Variants in ENSA observed in about 807,000 individuals in gnomAD.
ENSA encodes the protein endosulfine alpha.
ENSA carries 7 observed loss-of-function variants against 16.8 expected under a neutral mutation model. The observed-to-expected ratio is 0.42, with a 90% CI of 0.24 to 0.78. The LOEUF (loss-of-function observed/expected upper bound fraction) is 0.78, where lower values mean the gene tolerates loss of function less well. Ranked by LOEUF, ENSA falls within the 30% of genes least tolerant of loss-of-function variation. The pLI is 0.29. For missense variants in ENSA, 87 were observed against 142.3 expected (o/e 0.61, Z 1.98); for synonymous variants, 58 against 53.4 (o/e 1.09, Z -0.37).
intron 2 of ENSA, 119 bp downstream of exon 2, chr1:150,627,348 C>T (rs948431706): frequency 6.2e-7 from 1 of 1,608,294 alleles, no homozygotes; most frequent in Non-Finnish European, 8.5e-7. Context: ...TTCAAATTCG[C>T]CTCTACTTCT....
Position 150,629,581 on chromosome 1 carries a change from G to T in ENSA, c.-111C>A. 1 of 1,393,198 alleles carries T rather than the reference G, an allele frequency of 7.2e-7. No homozygotes were observed. Among genetic ancestry groups the T allele is most frequent in the Non-Finnish European group, 9.8e-7 (1 of 1,020,066 alleles). 86.3% of individuals were successfully genotyped at this position (1,393,198 alleles called of 1,614,324 possible). On this transcript the variant is annotated 5_prime_UTR_variant, in exon 1 of 4. Coordinates refer to ENST00000369014, the MANE Select transcript of ENSA (RefSeq NM_004436.4). Reference sequence around the variant, plus strand: ...TGCTGCTTCGGCTCCTGTCACTAGGGTTGCTCAGTCAAAATGGCGGCCCTT... The same window carrying T: ...TGCTGCTTCGGCTCCTGTCACTAGGTTTGCTCAGTCAAAATGGCGGCCCTT...
rs1033586800 is a variant in ENSA, at chr1:150,622,148, G to T, written c.*696C>A. On this transcript the variant is annotated 3_prime_UTR_variant, in exon 4 of 4. Transcript: ENST00000369014. ...TATTTCTGGGTTGGGTTTTTTCATG[G>T]GTTTTTGTTTTGTTTATTTCGAATA... is the stretch of plus-strand genomic sequence containing the variant. 1 of 152,178 alleles carries T rather than the reference G, an allele frequency of 6.6e-6. No individual in the cohort carries two copies. The highest frequency in any genetic ancestry group is 6.5e-5 in the Admixed American group (1 of 15,288). 9.4% of individuals were successfully genotyped at this position (152,178 alleles called of 1,614,324 possible).
intron 2 of ENSA, among the ~76,000 whole-genome samples, chr1:150,626,173 G>C (rs1246031110): frequency 6.6e-6 from 1 of 152,190 alleles, no homozygotes; most frequent in Non-Finnish European, 1.5e-5. Flanking sequence ...GCCTGGAACT[G>C]GAGAAACAGA....
At position 150,622,710 on chromosome 1, in the gene ENSA, C is replaced by T. The variant is rs12032259; in HGVS notation, c.*134G>A. 2.3e-6 allele frequency: 2 copies of T among 883,232 alleles called. No individual in the cohort carries two copies. The highest frequency in any genetic ancestry group is 3.3e-6 in the Non-Finnish European group (2 of 598,242). The allele number at this position is 883,232 out of a possible 1,614,324, so 54.7% of individuals were successfully genotyped here. A position where few individuals can be genotyped will look rare whatever the true frequency, so the allele number is the denominator to read the frequency against. On this transcript the variant is annotated 3_prime_UTR_variant, in exon 4 of 4. Transcript: ENST00000369014. ...CTGGGACACCAACAGGAAAGGGCTT[C>T]TGCCTCTCCAGCCCACACCCGAGCC... is the stretch of plus-strand genomic sequence containing the variant.
intron 1 of ENSA, among the ~76,000 whole-genome samples, chr1:150,627,846 G>A (rs1361382837): frequency 6.6e-6 from 1 of 152,146 alleles, no homozygotes; most frequent in Non-Finnish European, 1.5e-5. Flanking sequence ...TTGGGCTAAA[G>A]GTAATACTAA....
chr1:150,629,582 T>C lies in ENSA; in HGVS notation c.-112A>G, dbSNP rs1182281820. 1.4e-6 allele frequency: 2 copies of C among 1,386,308 alleles called. No individual in the cohort carries two copies. The highest frequency in any genetic ancestry group is 1.4e-5 in the African/African-American group (1 of 69,038). 85.9% of individuals were successfully genotyped at this position (1,386,308 alleles called of 1,614,324 possible). A position where few individuals can be genotyped will look rare whatever the true frequency, so the allele number is the denominator to read the frequency against. ...GCTGCTTCGGCTCCTGTCACTAGGG[T>C]TGCTCAGTCAAAATGGCGGCCCTTG... On this transcript the variant is annotated 5_prime_UTR_variant, in exon 1 of 4. Transcript: ENST00000369014.
In ENSA at chr1:150,629,275, A is replaced by C. The variant is rs77115129; in HGVS notation, c.57+139T>G. 3.0e-5 allele frequency: 45 copies of C among 1,506,944 alleles called. No individual in the cohort carries two copies. The East Asian group carries it at 7.1e-4, about 24-fold the overall frequency. 93.3% of individuals were successfully genotyped at this position (1,506,944 alleles called of 1,614,324 possible). On this transcript the variant is annotated intron_variant, in intron 1 of 3. Coordinates refer to ENST00000369014, the MANE Select transcript of ENSA (RefSeq NM_004436.4). ...GCGCCAAAGCAGCATGTCGTGTTGA[A>C]GCTCACCCAGCGTGACGCAAAAAGT...
chr1:150,624,964 T>A, intron 3 of ENSA: 1 of 985,086 alleles, frequency 1.0e-6, no homozygotes. Flanking sequence ...CGTCCCACTA[T>A]CCCATGATAC....
intron 2 of ENSA, chr1:150,626,927 C>A: frequency 4.4e-6 from 2 of 455,506 alleles, no homozygotes; most frequent in Non-Finnish European, 6.0e-6. Flanking sequence ...TCAGGAGCTA[C>A]ATGGCTATGA....
intron 3 of ENSA, chr1:150,625,414 G>A (rs1053732): frequency 0.51 from 627,759 of 1,219,198 alleles, 168,239 homozygotes; most frequent in Non-Finnish European, 0.55. Flanking sequence ...TCCTATTTCT[G>A]GGCCCTACCT....
intron 3 of ENSA, chr1:150,623,219 C>G: frequency 3.7e-6 from 4 of 1,077,706 alleles, no homozygotes; most frequent in Non-Finnish European, 4.5e-6. Flanking sequence ...CTTGCAAAGA[C>G]TGAGGTAGCA....
At chr1:150,626,496 G>C in intron 2 of ENSA, 1 of 1,613,742 alleles carries the variant, frequency 6.2e-7, no homozygotes. Flanking sequence ...TCCGCACAGA[G>C]AAGCACACTC....
At chr1:150,627,946 A>T (rs1421829810) in intron 1 of ENSA, among the ~76,000 whole-genome samples, 2 of 152,194 alleles carry the variant, frequency 1.3e-5, no homozygotes, top group Admixed American at 1.3e-4. Flanking sequence ...CTGGTGATAG[A>T]GGATGAGTAG....
chr1:150,626,405 G>A (rs1649311911), intron 2 of ENSA: 2 of 1,463,378 alleles, frequency 1.4e-6, no homozygotes, highest in Non-Finnish European at 1.9e-6. Context: ...CAAGGTAAAT[G>A]CAAATCAGCA....
chr1:150,622,703 AG>A lies in ENSA; in HGVS notation c.*140del. ...CCATGTGCTGGGACACCAACAGGAA[AG>A]GGCTTCTGCCTCTCCAGCCCACACC... On this transcript the variant is annotated 3_prime_UTR_variant, in exon 4 of 4. Coordinates refer to ENST00000369014, the MANE Select transcript of ENSA (RefSeq NM_004436.4). 1 of 777,776 alleles carries A rather than the reference AG, an allele frequency of 1.3e-6. No homozygotes were observed. Among genetic ancestry groups the A allele is most frequent in the South Asian group, 2.5e-5 (1 of 40,748 alleles). The allele number at this position is 777,776 out of a possible 1,614,324, so 48.2% of individuals were successfully genotyped here. A position where few individuals can be genotyped will look rare whatever the true frequency, so the allele number is the denominator to read the frequency against.
chr1:150,624,480 G>A (rs1407162713), intron 3 of ENSA: 8 of 985,776 alleles, frequency 8.1e-6, no homozygotes, highest in Non-Finnish European at 9.6e-6. Flanking sequence ...CTGCAGCTCC[G>A]CTGCCAGAGA....
intron 3 of ENSA, chr1:150,624,101 G>A (rs587648133): frequency 9.7e-5 from 96 of 985,378 alleles, no homozygotes; most frequent in Admixed American, 1.8e-4. Context: ...AGCAAGTTGC[G>A]TTCAATAAAA....
At chr1:150,625,202 C>A in intron 3 of ENSA, 1 of 986,792 alleles carries the variant, frequency 1.0e-6, no homozygotes, top group African/African-American at 1.7e-5. Context: ...AGGGACAGAA[C>A]ACTTAGAAGC....
chr1:150,627,833 G>A (rs762221242), intron 1 of ENSA, among the ~76,000 whole-genome samples: 41 of 152,176 alleles, frequency 2.7e-4, no homozygotes, highest in Non-Finnish European at 4.9e-4. Flanking sequence ...GGACCTGTGC[G>A]TATTGGGCTA....
Sources: gnomAD v4.1 joint callset for allele counts (sites outside exome capture counted in the v4.1 genomes callset) on GRCh38, gnomAD v4.1.1 for gene constraint, MANE v1.5 for transcripts, NCBI Gene and HGNC (gene_info 2026-07-23, HGNC 2026-07-21) for gene names.